Variants in RYR3 observed in about 807,000 individuals in gnomAD.
The protein encoded by RYR3 is ryanodine receptor 3.
Under a neutral mutation model 584.3 loss-of-function variants are expected in RYR3, and 207 were observed. The ratio of observed to expected loss-of-function variants is 0.35; its 90% CI spans 0.32 to 0.40. The LOEUF is 0.40. RYR3 is among the 10% of genes least tolerant of loss of function. The pLI is 1.00. For missense variants in RYR3, 5,616 were observed against 6,089.2 expected, an observed-to-expected ratio of 0.92 and a Z score of 2.59; for synonymous variants, 2,416 against 2,248.5, an observed-to-expected ratio of 1.07 and a Z score of -2.11.
At chr15:33,706,801 A>G in intron 42 of RYR3, 118 bp from the exon 43 acceptor site, 1 of 899,568 alleles carries the variant, frequency 1.1e-6, no homozygotes. Flanking sequence ...CTCACCAGCA[A>G]TGCACAAGAG....
At chr15:33,732,464 G>A (rs566251485) in intron 48 of RYR3, among the ~76,000 whole-genome samples, 24 of 151,762 alleles carry the variant, frequency 1.6e-4, no homozygotes, top group Admixed American at 4.6e-4. Context: ...TCCAGTCACA[G>A]TGGGGAATTA....
At chr15:33,713,114 C>G (rs1020863408) in intron 43 of RYR3, among the ~76,000 whole-genome samples, 1 of 152,102 alleles carries the variant, frequency 6.6e-6, no homozygotes, top group East Asian at 1.9e-4. Context: ...TTCTGAATAC[C>G]TTTGTGAACT....
intron 1 of RYR3, among the ~76,000 whole-genome samples, chr15:33,464,430 A>G (rs1471266035): frequency 6.9e-6 from 1 of 145,396 alleles, no homozygotes; most frequent in Non-Finnish European, 1.5e-5. Context: ...AGCAAGCAAA[A>G]GAGTTACAGA....
At chr15:33,640,150 T>G (rs1050293255) in intron 27 of RYR3, among the ~76,000 whole-genome samples, 11 of 152,210 alleles carry the variant, frequency 7.2e-5, no homozygotes, top group Non-Finnish European at 1.5e-4. Context: ...CCCTCATTTC[T>G]GTTGGCAGCT....
chr15:33,492,449 T>C (rs1385364157), intron 2 of RYR3, among the ~76,000 whole-genome samples: 1 of 134,142 alleles, frequency 7.5e-6, no homozygotes, highest in Non-Finnish European at 1.6e-5. Flanking sequence ...TCTAGAGATA[T>C]TATTTCTCTC....
At chr15:33,835,874 C>T (rs770613494) in intron 87 of RYR3, among the ~76,000 whole-genome samples, 1 of 151,978 alleles carries the variant, frequency 6.6e-6, no homozygotes, top group Non-Finnish European at 1.5e-5. Flanking sequence ...GAGACAAGAG[C>T]CCTGGCCCTG....
intron 23 of RYR3, among the ~76,000 whole-genome samples, chr15:33,631,873 A>G (rs1226480425): frequency 1.3e-5 from 2 of 152,236 alleles, no homozygotes; most frequent in Non-Finnish European, 2.9e-5. Flanking sequence ...CACAGGTGTC[A>G]TCATTACTTA....
chr15:33,336,821 T>C (rs1242750382), intron 1 of RYR3, among the ~76,000 whole-genome samples: 1 of 151,176 alleles, frequency 6.6e-6, no homozygotes, highest in South Asian at 2.1e-4. Flanking sequence ...CTTGGGAGGC[T>C]GAGGCGGGCG....
chr15:33,832,989 C>T (rs1347719394), intron 86 of RYR3, among the ~76,000 whole-genome samples: 1 of 98,124 alleles, frequency 1.0e-5, no homozygotes, highest in Non-Finnish European at 1.9e-5. Flanking sequence ...GCCTGGGCAA[C>T]AAAACTCTGT....
chr15:33,533,341 C>A lies in RYR3; in HGVS notation c.385C>A (p.Gln129Lys). ...AACATGCTTGACTACATCAAGATCC[C>A]AGACAGACAAACTTGCCTTTGATGT... Reference protein sequence around the residue: ...YLTCLTTSRSQTDKLAFDVGL... With the variant: ...YLTCLTTSRSKTDKLAFDVGL... Residue 129 changes from glutamine to lysine, a missense_variant, in exon 5 of 104, where the codon CAG becomes AAG. This residue lies in a region of RYR3 where 1,284 missense variants were observed against 1,344.6 expected (regional missense o/e 0.95). Coordinates refer to ENST00000634891, the MANE Select transcript of RYR3 (RefSeq NM_001036.6). 1 of 1,608,350 alleles carries A rather than the reference C, an allele frequency of 6.2e-7. No homozygotes were observed. Among genetic ancestry groups the A allele is most frequent in the South Asian group, 1.1e-5 (1 of 89,418 alleles).
intron 1 of RYR3, among the ~76,000 whole-genome samples, chr15:33,426,262 G>A (rs1236803884): frequency 3.9e-5 from 6 of 152,162 alleles, no homozygotes; most frequent in African/African-American, 1.4e-4. Context: ...TCAATACTTT[G>A]AAATTACTGA....
At chr15:33,610,527 A>T (rs931598740) in intron 18 of RYR3, among the ~76,000 whole-genome samples, 3 of 152,262 alleles carry the variant, frequency 2.0e-5, no homozygotes, top group African/African-American at 7.2e-5. Flanking sequence ...AGTGGGAGGG[A>T]ATGCAATATG....
chr15:33,534,176 G>A (rs1242684456), intron 5 of RYR3, among the ~76,000 whole-genome samples: 2 of 152,186 alleles, frequency 1.3e-5, no homozygotes, highest in African/African-American at 2.4e-5. Flanking sequence ...CGAGGCTGGC[G>A]GATGACCTGA....
chr15:33,329,230 G>C (rs979827022), intron 1 of RYR3, among the ~76,000 whole-genome samples: 1 of 152,110 alleles, frequency 6.6e-6, no homozygotes, highest in Admixed American at 6.5e-5. Context: ...TTTTACATAT[G>C]GGTAAGAACT....
At chr15:33,721,790 G>A (rs1052339720) in intron 43 of RYR3, among the ~76,000 whole-genome samples, 7 of 151,810 alleles carry the variant, frequency 4.6e-5, no homozygotes, top group Non-Finnish European at 1.0e-4. Context: ...TAAGTTGTTC[G>A]AACAAGCTAC....
At chr15:33,492,446 ATAT>A (rs1479098990) in intron 2 of RYR3, among the ~76,000 whole-genome samples, 1 of 143,736 alleles carries the variant, frequency 7.0e-6, no homozygotes, top group African/African-American at 2.6e-5. Context: ...GTTTCTAGAG[ATAT>A]TATTTCTCTC....
At chr15:33,648,955 C>A in intron 30 of RYR3, 117 bp from the exon 31 acceptor site, 1 of 974,020 alleles carries the variant, frequency 1.0e-6, no homozygotes, top group Non-Finnish European at 1.5e-6. Flanking sequence ...GTGCACTTTT[C>A]CAGAAAAAAA....
chr15:33,563,075 G>T, intron 11 of RYR3, 65 bp downstream of exon 11: 3 of 1,292,498 alleles, frequency 2.3e-6, no homozygotes. Flanking sequence ...GGCAATAGAA[G>T]TGATTCTGAG....
At chr15:33,719,940 T>A (rs1191738301) in intron 43 of RYR3, among the ~76,000 whole-genome samples, 1 of 152,232 alleles carries the variant, frequency 6.6e-6, no homozygotes, top group African/African-American at 2.4e-5. Context: ...CCTTTTAGTA[T>A]CTCCTGAGAA....
Sources: allele counts gnomAD v4.1 joint callset (sites outside exome capture counted in the v4.1 genomes callset), GRCh38; gene constraint gnomAD v4.1.1; regional missense constraint gnomAD v4.1.1; transcripts MANE v1.5; gene names NCBI Gene and HGNC (gene_info 2026-07-23, HGNC 2026-07-21).